SGCZ: variants seen among roughly 807,000 people sequenced by gnomAD.
SGCZ encodes sarcoglycan zeta, also known as zeta-sarcoglycan.
In SGCZ, 40 loss-of-function variants were observed where a neutral mutation model predicts 41.3. The ratio of observed to expected loss-of-function variants is 0.97; its 90% CI spans 0.75 to 1.26. The LOEUF (loss-of-function observed/expected upper bound fraction) is 1.26. Among genes scored for constraint, SGCZ ranks in the 50% most tolerant of loss-of-function variants. The probability of loss-of-function intolerance (pLI) is 0.00; values close to 1 mark genes in which losing one functional copy is unlikely to be tolerated. For missense variants in SGCZ, 552 were observed against 369.8 expected, an observed-to-expected ratio of 1.49 and a Z score of -4.04; for synonymous variants, 206 against 137.5, an observed-to-expected ratio of 1.50 and a Z score of -3.49.
At chr8:14,376,740 A>G (rs1804146322) in intron 2 of SGCZ, among the ~76,000 whole-genome samples, 1 of 152,236 alleles carries the variant, frequency 6.6e-6, no homozygotes, top group Non-Finnish European at 1.5e-5. Flanking sequence ...GAAAATTACC[A>G]AACAACATTA....
intron 2 of SGCZ, among the ~76,000 whole-genome samples, chr8:14,373,168 T>C (rs1001370074): frequency 2.6e-5 from 4 of 152,152 alleles, no homozygotes; most frequent in Non-Finnish European, 2.9e-5. Flanking sequence ...TACTTGCTGA[T>C]TGAGTGCATG....
intron 2 of SGCZ, among the ~76,000 whole-genome samples, chr8:14,483,465 G>C (rs1801589046): frequency 6.6e-6 from 1 of 152,154 alleles, no homozygotes; most frequent in African/African-American, 2.4e-5. Context: ...CAGCTACTTG[G>C]GAAGCTGAAG....
At chr8:14,584,863 A>C (rs1450413939) in intron 1 of SGCZ, among the ~76,000 whole-genome samples, 4 of 152,116 alleles carry the variant, frequency 2.6e-5, no homozygotes, top group Non-Finnish European at 4.4e-5. Flanking sequence ...TATTATTCCC[A>C]ATTTTGTAGA....
At chr8:15,233,329 C>CAAAAAAAAA (rs967747755) in intron 1 of SGCZ, among the ~76,000 whole-genome samples, 1 of 65,680 alleles carries the variant, frequency 1.5e-5, no homozygotes. Flanking sequence ...TTAAACAAAC[C>CAAAAAAAAA]AAAAAAAAAA....
chr8:14,303,619 T>C (rs1266922698), intron 3 of SGCZ, among the ~76,000 whole-genome samples: 3 of 152,120 alleles, frequency 2.0e-5, no homozygotes, highest in Non-Finnish European at 4.4e-5. Context: ...TCTAAAAAAC[T>C]TCCAGCAAAG....
intron 1 of SGCZ, among the ~76,000 whole-genome samples, chr8:14,624,031 A>C (rs1806368434): frequency 6.6e-6 from 1 of 152,200 alleles, no homozygotes; most frequent in Admixed American, 6.5e-5. Context: ...TCTAGCAGAT[A>C]AAACACACTT....
intron 1 of SGCZ, among the ~76,000 whole-genome samples, chr8:14,654,144 A>C (rs995517125): frequency 6.6e-6 from 1 of 152,104 alleles, no homozygotes; most frequent in African/African-American, 2.4e-5. Context: ...GAGTAGTAGA[A>C]TAGAAACCTA....
intron 1 of SGCZ, among the ~76,000 whole-genome samples, chr8:15,158,865 G>A (rs1032147846): frequency 6.6e-6 from 1 of 152,196 alleles, no homozygotes; most frequent in Admixed American, 6.5e-5. Context: ...TAAACTCAAG[G>A]AGGGTTATAA....
chr8:14,139,919 C>T (rs899103359), intron 5 of SGCZ, among the ~76,000 whole-genome samples: 3 of 152,064 alleles, frequency 2.0e-5, no homozygotes, highest in African/African-American at 2.4e-5. Context: ...TGATAAACAT[C>T]GATGCAAAAA....
At chr8:14,441,589 T>C (rs1355445617) in intron 2 of SGCZ, among the ~76,000 whole-genome samples, 1 of 152,000 alleles carries the variant, frequency 6.6e-6, no homozygotes, top group African/African-American at 2.4e-5. Context: ...TAAAACAAAA[T>C]AAAATAAAAG....
chr8:15,190,503 T>C (rs1346016824), intron 1 of SGCZ, among the ~76,000 whole-genome samples: 1 of 152,130 alleles, frequency 6.6e-6, no homozygotes, highest in Non-Finnish European at 1.5e-5. Context: ...AATCAGACAC[T>C]GTGGTGTACT....
Position 14,135,068 on chromosome 8 carries a change from C to G in SGCZ, c.548-26833G>C, listed in dbSNP as rs78200914. Among the ~76,000 whole-genome samples, 927 of 152,098 alleles carry G rather than the reference C, an allele frequency of 6.1e-3. 10 individuals carry two copies. Among genetic ancestry groups the G allele is most frequent in the African/African-American group, 0.02 (809 of 41,466 alleles). On this transcript the variant is annotated intron_variant, in intron 5 of 7. Transcript: ENST00000382080. ...CAAAATTGCTTAAAATATTTATTGT[C>G]TAACCTTTTAAAGAAAAAGCAACCA...
At chr8:14,900,648 C>A (rs1039516535) in intron 1 of SGCZ, among the ~76,000 whole-genome samples, 2 of 152,096 alleles carry the variant, frequency 1.3e-5, no homozygotes, top group Non-Finnish European at 2.9e-5. Flanking sequence ...GACTGAATAC[C>A]AGGTTTAATT....
chr8:14,550,491 A>C (rs1409952454), intron 2 of SGCZ, among the ~76,000 whole-genome samples: 1 of 151,970 alleles, frequency 6.6e-6, no homozygotes, highest in Non-Finnish European at 1.5e-5. Context: ...TGTAGGATGA[A>C]ATATTTCATA....
intron 2 of SGCZ, among the ~76,000 whole-genome samples, chr8:14,347,363 T>C (rs1040735083): frequency 2.6e-5 from 4 of 152,112 alleles, no homozygotes; most frequent in African/African-American, 7.2e-5. Context: ...GCCACAAAAC[T>C]AGTGTTGAGA....
At chr8:14,526,563 A>C (rs761651406) in intron 2 of SGCZ, among the ~76,000 whole-genome samples, 11 of 152,134 alleles carry the variant, frequency 7.2e-5, no homozygotes, top group Admixed American at 6.6e-5. Flanking sequence ...TTATTTCTAC[A>C]CAATTGATAG....
intron 3 of SGCZ, among the ~76,000 whole-genome samples, chr8:14,263,499 C>T (rs778694051): frequency 3.3e-5 from 5 of 151,864 alleles, no homozygotes; most frequent in Non-Finnish European, 5.9e-5. Context: ...CAGTGAGCCA[C>T]GATGATGCCA....
chr8:14,809,143 G>C (rs1801659735), intron 1 of SGCZ, among the ~76,000 whole-genome samples: 1 of 151,868 alleles, frequency 6.6e-6, no homozygotes, highest in Non-Finnish European at 1.5e-5. Context: ...TGACAAGTTA[G>C]TGGGTGTAGC....
intron 1 of SGCZ, among the ~76,000 whole-genome samples, chr8:14,876,584 T>C (rs963615002): frequency 6.6e-6 from 1 of 152,186 alleles, no homozygotes; most frequent in South Asian, 2.1e-4. Flanking sequence ...TTTGATGGTG[T>C]ATGAAATATC....
Sources: gnomAD v4.1 joint callset for allele counts (sites outside exome capture counted in the v4.1 genomes callset) on GRCh38, gnomAD v4.1.1 for gene constraint, MANE v1.5 for transcripts, NCBI Gene and HGNC (gene_info 2026-07-23, HGNC 2026-07-21) for gene names.